Variants in ITSN1 observed in about 807,000 individuals in gnomAD.
ITSN1 encodes the protein intersectin 1.
Under a neutral mutation model 239.8 loss-of-function variants are expected in ITSN1, and 58 were observed. That is an observed-to-expected ratio of 0.24 (90% CI 0.20 to 0.30). The LOEUF is 0.30. Among genes scored for constraint, ITSN1 ranks in the 10% least tolerant of loss-of-function variants. The pLI, the probability that ITSN1 is intolerant of heterozygous loss-of-function variation, is 1.00. For synonymous variants in ITSN1, 780 were observed against 770.8 expected (o/e 1.01, Z -0.20); for missense variants, 1,558 against 2,103.3 (o/e 0.74, Z 5.07).
At chr21:33,758,267 C>T (rs1413216925) in intron 8 of ITSN1, among the ~76,000 whole-genome samples, 3 of 152,186 alleles carry the variant, frequency 2.0e-5, no homozygotes, top group Admixed American at 2.0e-4. Flanking sequence ...CGACTACAGG[C>T]ATGTGCCACC....
At chr21:33,673,968 G>A (rs1287336036) in intron 1 of ITSN1, among the ~76,000 whole-genome samples, 2 of 152,174 alleles carry the variant, frequency 1.3e-5, no homozygotes, top group East Asian at 3.8e-4. Flanking sequence ...GAAGTTTTTA[G>A]CACACCTGAT....
intron 31 of ITSN1, among the ~76,000 whole-genome samples, chr21:33,859,109 C>T (rs571807360): frequency 1.5e-4 from 23 of 152,264 alleles, no homozygotes; most frequent in African/African-American, 4.8e-4. Flanking sequence ...CATGCTGGGG[C>T]GTGGGGCTGC....
At chr21:33,867,397 A>C in intron 33 of ITSN1, 66 bp downstream of exon 33, 2 of 876,498 alleles carry the variant, frequency 2.3e-6, no homozygotes, top group Admixed American at 3.5e-5. Context: ...GGCTGGGGTC[A>C]TGGACAAGAT....
intron 24 of ITSN1, 106 bp from the exon 25 acceptor site, chr21:33,823,381 G>A: frequency 1.0e-6 from 1 of 983,008 alleles, no homozygotes; most frequent in Non-Finnish European, 1.5e-6. Context: ...TCTCTTGAAT[G>A]GATCTTGTCC....
At chr21:33,867,792 G>C (rs1981888910) in intron 33 of ITSN1, among the ~76,000 whole-genome samples, 1 of 152,054 alleles carries the variant, frequency 6.6e-6, no homozygotes, top group Admixed American at 6.5e-5. Flanking sequence ...ATGTTCAGAT[G>C]TGTTCGGAGT....
At chr21:33,743,898 CT>C (rs765193835) in intron 5 of ITSN1, among the ~76,000 whole-genome samples, 95 of 152,306 alleles carry the variant, frequency 6.2e-4, no homozygotes, top group Non-Finnish European at 9.6e-4. Context: ...GAAAAACTGA[CT>C]TTCAAGTAGA....
Position 33,782,752 on chromosome 21 carries a change from G to A in ITSN1, c.1824+619G>A, listed in dbSNP as rs1002576784. ...TAAGAATGTTAATTCTTGGCCGGGC[G>A]TGGTGGCTCATGCCTGTAATCCCAG... On this transcript the variant is annotated intron_variant, in intron 16 of 39. Transcript: ENST00000381318. Among the ~76,000 whole-genome samples, 11 of 152,164 alleles carry A rather than the reference G, an allele frequency of 7.2e-5. No individual in the cohort carries two copies. The South Asian group carries it at 1.7e-3, about 23-fold the overall frequency.
chr21:33,759,387 T>C (rs1184393149), intron 8 of ITSN1, among the ~76,000 whole-genome samples: 1 of 152,216 alleles, frequency 6.6e-6, no homozygotes, highest in East Asian at 1.9e-4. Flanking sequence ...AGAATCCAAG[T>C]CCCCTGATAT....
chr21:33,783,727 A>T (rs978466444), intron 16 of ITSN1, among the ~76,000 whole-genome samples: 1 of 151,006 alleles, frequency 6.6e-6, no homozygotes, highest in African/African-American at 2.4e-5. Context: ...TGCAAAGCCT[A>T]TGTTGCTTTT....
At chr21:33,670,102 C>G (rs572294652) in intron 1 of ITSN1, among the ~76,000 whole-genome samples, 17 of 152,286 alleles carry the variant, frequency 1.1e-4, no homozygotes, top group African/African-American at 3.6e-4. Context: ...TGGCTCATGC[C>G]TGTAATACCA....
intron 14 of ITSN1, among the ~76,000 whole-genome samples, chr21:33,776,608 G>A (rs141473863): frequency 6.6e-4 from 100 of 151,726 alleles, no homozygotes; most frequent in Admixed American, 1.2e-3. Context: ...AAACTGCAAA[G>A]AGTTTGTACC....
chr21:33,733,009 C>T (rs1175625741), intron 4 of ITSN1, among the ~76,000 whole-genome samples: 1 of 152,062 alleles, frequency 6.6e-6, no homozygotes, highest in Non-Finnish European at 1.5e-5. Flanking sequence ...ATCAATTCTC[C>T]AAAAATCCCC....
chr21:33,648,748 TG>T (rs1306727202), intron 1 of ITSN1, among the ~76,000 whole-genome samples: 9 of 151,488 alleles, frequency 5.9e-5, no homozygotes, highest in African/African-American at 2.2e-4. Flanking sequence ...GAGGCTGAGG[TG>T]GGAGGACTGT....
Position 33,834,327 on chromosome 21 carries a change from G to A in ITSN1, c.3372G>A (p.Gln1124=). ...GELQARGKKR[Q]IGWFPANYVK... ...ACTAGGCACGTGGGAAAAAGCGCCAGATAGGCTGGTTCCCAGCTAATTATG... is the reference window on the plus strand; with the variant it reads ...ACTAGGCACGTGGGAAAAAGCGCCAAATAGGCTGGTTCCCAGCTAATTATG... The change falls in exon 28 of 40, where the codon CAG becomes CAA. Residue 1124 remains glutamine, a synonymous_variant. Coordinates refer to ENST00000381318, the MANE Select transcript of ITSN1 (RefSeq NM_003024.3). 3 of 1,614,002 alleles carry A rather than the reference G, an allele frequency of 1.9e-6. No individual in the cohort carries two copies. The highest frequency in any genetic ancestry group is 2.5e-6 in the Non-Finnish European group (3 of 1,179,894).
In ITSN1 at chr21:33,689,532, C is replaced by G. The variant is rs534372212; in HGVS notation, c.-32-29265C>G. The G allele has an allele frequency of 3.3e-5, 5 of 152,258 alleles. No homozygotes were observed. The East Asian group carries it at 5.8e-4, about 18-fold the overall frequency. The allele number at this position is 152,258 out of a possible 1,614,324, so 9.4% of individuals were successfully genotyped here. A position where few individuals can be genotyped will look rare whatever the true frequency, so the allele number is the denominator to read the frequency against. On this transcript the variant is annotated intron_variant, in intron 1 of 39. Transcript: ENST00000381318. ...AAAAAATAACAATAAATAAAATTAACAGGCACAGTGATGTATACCTCTAGT... is the reference window on the plus strand; with the variant it reads ...AAAAAATAACAATAAATAAAATTAAGAGGCACAGTGATGTATACCTCTAGT...
At chr21:33,660,367 A>AT (rs2089458114) in intron 1 of ITSN1, among the ~76,000 whole-genome samples, 1 of 152,044 alleles carries the variant, frequency 6.6e-6, no homozygotes, top group Non-Finnish European at 1.5e-5. Context: ...CTTCATGTGG[A>AT]TTTTTGTCTT....
intron 20 of ITSN1, among the ~76,000 whole-genome samples, chr21:33,807,346 A>C (rs535419722): frequency 6.6e-5 from 10 of 152,172 alleles, no homozygotes; most frequent in African/African-American, 1.9e-4. Flanking sequence ...TTCAGGTCGC[A>C]TTCCAGATGT....
intron 16 of ITSN1, among the ~76,000 whole-genome samples, chr21:33,784,297 C>G (rs951423977): frequency 8.3e-6 from 1 of 120,092 alleles, no homozygotes; most frequent in African/African-American, 3.2e-5. Flanking sequence ...AGGGTGAAGC[C>G]CTGTCTCTAC....
At position 33,756,063 on chromosome 21, in the gene ITSN1, C is replaced by A. The variant is rs150843722; in HGVS notation, c.724+666C>A. On this transcript the variant is annotated intron_variant, in intron 8 of 39. Coordinates refer to ENST00000381318, the MANE Select transcript of ITSN1 (RefSeq NM_003024.3). Reference sequence around the variant, plus strand: ...TCACGCCTGTAATCCCAATCCCAGCCCTTTGGGAGGCTGAGGCGGGTGGAT... The same window carrying A: ...TCACGCCTGTAATCCCAATCCCAGCACTTTGGGAGGCTGAGGCGGGTGGAT... Among the ~76,000 whole-genome samples, 1,093 of 151,828 alleles carry A rather than the reference C, an allele frequency of 7.2e-3. 14 individuals are homozygous for A. Among genetic ancestry groups the A allele is most frequent in the African/African-American group, 0.025 (1,040 of 41,410 alleles).
Sources: gnomAD v4.1 joint callset for allele counts (sites outside exome capture counted in the v4.1 genomes callset) on GRCh38, gnomAD v4.1.1 for gene constraint, MANE v1.5 for transcripts, NCBI Gene and HGNC (gene_info 2026-07-23, HGNC 2026-07-21) for gene names.